Variants in AHI1 observed in about 807,000 individuals in gnomAD.
AHI1 encodes the protein jouberin.
Under a neutral mutation model 149.3 loss-of-function variants are expected in AHI1, and 123 were observed. The observed-to-expected ratio is 0.82, with a 90% CI of 0.71 to 0.96. The LOEUF (loss-of-function observed/expected upper bound fraction) is 0.96, where lower values mean the gene tolerates loss of function less well. Ranked by LOEUF, AHI1 falls within the 40% of genes least tolerant of loss-of-function variation. The pLI, the probability that AHI1 is intolerant of heterozygous loss-of-function variation, is 0.00. For missense variants in AHI1, 1,439 were observed against 1,422.7 expected (o/e 1.01, Z -0.18); for synonymous variants, 475 against 459.8 (o/e 1.03, Z -0.42).
Position 135,302,628 on chromosome 6 carries a change from C to A in AHI1, c.3427-2070G>T, listed in dbSNP as rs998421631. Reference sequence around the variant, plus strand: ...TATGAATCCTAAGTTAGAAGGGGGTCCACATTACAAAGTTTACCACTTACT... The same window carrying A: ...TATGAATCCTAAGTTAGAAGGGGGTACACATTACAAAGTTTACCACTTACT... On this transcript the variant is annotated intron_variant, in intron 26 of 28. Transcript: ENST00000265602. 15 of 1,144,242 alleles carry A rather than the reference C, an allele frequency of 1.3e-5. No homozygotes were observed. In the East Asian group the frequency reaches 5.4e-4, roughly 41 times the overall value. The allele number at this position is 1,144,242 out of a possible 1,614,324, so 70.9% of individuals were successfully genotyped here.
At chr6:135,459,907 C>T (rs1025365110) in intron 8 of AHI1, among the ~76,000 whole-genome samples, 3 of 152,044 alleles carry the variant, frequency 2.0e-5, no homozygotes, top group Admixed American at 1.3e-4. Context: ...TAAGAATAAA[C>T]TCTGTGGGCC....
chr6:135,329,876 T>G (rs77777890), intron 24 of AHI1, among the ~76,000 whole-genome samples: 2,503 of 152,294 alleles, frequency 0.016, 64 homozygotes, highest in African/African-American at 0.057. Flanking sequence ...CTGACCCTCA[T>G]GGATGACTCT....
At chr6:135,303,471 C>G (rs1784142476) in intron 26 of AHI1, among the ~76,000 whole-genome samples, 1 of 151,684 alleles carries the variant, frequency 6.6e-6, no homozygotes, top group Non-Finnish European at 1.5e-5. Flanking sequence ...GGAAAAACAA[C>G]TAAAGTTGGT....
At chr6:135,302,176 T>G (rs1465242485) in intron 26 of AHI1, 1 of 985,234 alleles carries the variant, frequency 1.0e-6, no homozygotes, top group Non-Finnish European at 1.2e-6. Flanking sequence ...AAGGTCTCAG[T>G]ATCATTTTTC....
intron 26 of AHI1, among the ~76,000 whole-genome samples, chr6:135,310,155 G>C (rs1784998317): frequency 6.6e-6 from 1 of 152,056 alleles, no homozygotes; most frequent in African/African-American, 2.4e-5. Context: ...TAAATTTGTT[G>C]TTGGACTTAA....
intron 22 of AHI1, among the ~76,000 whole-genome samples, chr6:135,395,670 CT>C (rs367987105): frequency 0.019 from 2,932 of 151,838 alleles, 89 homozygotes; most frequent in African/African-American, 0.066. Context: ...AAAAATCTAT[CT>C]TTTTTTCATT....
intron 26 of AHI1, chr6:135,302,477 C>T: frequency 9.9e-7 from 1 of 1,014,856 alleles, no homozygotes; most frequent in Non-Finnish European, 1.2e-6. Flanking sequence ...CTGTGATATC[C>T]TCAGAAAGTT....
intron 23 of AHI1, among the ~76,000 whole-genome samples, chr6:135,365,221 TAGTTTGA>T (rs1350509462): frequency 6.6e-6 from 1 of 152,238 alleles, no homozygotes; most frequent in Non-Finnish European, 1.5e-5. Flanking sequence ...CTTTATAATA[TAGTTTGA>T]AGTTGGGTAA....
chr6:135,435,362 A>C (rs1785245097), intron 15 of AHI1: 1 of 152,178 alleles, frequency 6.6e-6, no homozygotes, highest in African/African-American at 2.4e-5. Flanking sequence ...GAAATAATAG[A>C]ATTTGGGCTG....
chr6:135,336,213 C>T (rs1789363900), intron 24 of AHI1, among the ~76,000 whole-genome samples: 2 of 151,882 alleles, frequency 1.3e-5, no homozygotes, highest in African/African-American at 4.8e-5. Flanking sequence ...TGACAGTGGT[C>T]CCATATGATA....
rs575413123 is a variant in AHI1 at position 135,309,607 on chromosome 6, G to A, written c.3426+8912C>T. ...AAGCGATTCTCCTGCCTCAGCCTCC[G>A]AGTAGCTGGGATTACAGGCATGCGC... is the stretch of plus-strand genomic sequence containing the variant. On this transcript the variant is annotated intron_variant, in intron 26 of 28. Transcript: ENST00000265602. Among the ~76,000 whole-genome samples, 612 of 151,546 alleles carry A rather than the reference G, an allele frequency of 4.0e-3. 1 individual carries two copies. Among genetic ancestry groups the A allele is most frequent in the Non-Finnish European group, 6.6e-3 (449 of 67,928 alleles).
intron 26 of AHI1, among the ~76,000 whole-genome samples, chr6:135,309,998 T>TA (rs538791580): frequency 4.2e-4 from 64 of 152,050 alleles, no homozygotes; most frequent in Admixed American, 2.8e-3. Context: ...ATTACTAAAG[T>TA]AAAAAAATAC....
At chr6:135,425,021 T>C (rs1177717921) in intron 20 of AHI1, among the ~76,000 whole-genome samples, 1 of 151,974 alleles carries the variant, frequency 6.6e-6, no homozygotes, top group Non-Finnish European at 1.5e-5. Flanking sequence ...TATGGATCTA[T>C]ACCATTCACA....
chr6:135,413,720 A>G (rs1172423674), intron 20 of AHI1, among the ~76,000 whole-genome samples: 1 of 109,298 alleles, frequency 9.1e-6, no homozygotes, highest in Non-Finnish European at 2.1e-5. Context: ...CAAGCAATTA[A>G]GAACCAAAAA....
Position 135,328,223 on chromosome 6 carries a change from G to C in AHI1, c.3166-4899C>G, listed in dbSNP as rs62429856. On this transcript the variant is annotated intron_variant, in intron 24 of 28. Coordinates refer to ENST00000265602, the MANE Select transcript of AHI1 (RefSeq NM_001134831.2). ...AAGTCTTCTGTGTTAATTGTGGTGTGAGAACACAGTGAAAACATGGTTGGA... is the reference window on the plus strand; with the variant it reads ...AAGTCTTCTGTGTTAATTGTGGTGTCAGAACACAGTGAAAACATGGTTGGA... 8.5e-3 allele frequency among the ~76,000 whole-genome samples: 1,294 copies of C among 152,310 alleles called. 9 individuals are homozygous for C. Among genetic ancestry groups the C allele is most frequent in the Middle Eastern group, 0.034 (10 of 294 alleles).
chr6:135,455,442 T>C (rs548329783), intron 10 of AHI1, among the ~76,000 whole-genome samples: 1 of 152,338 alleles, frequency 6.6e-6, no homozygotes, highest in South Asian at 2.1e-4. Context: ...AATGCATTCA[T>C]ATCGAGTGGA....
At chr6:135,437,171 T>C (rs767673127) in intron 15 of AHI1, among the ~76,000 whole-genome samples, 3 of 152,202 alleles carry the variant, frequency 2.0e-5, no homozygotes, top group Non-Finnish European at 4.4e-5. Flanking sequence ...AGTCATCTAA[T>C]GAAGTGGGAA....
intron 23 of AHI1, among the ~76,000 whole-genome samples, chr6:135,369,424 C>T (rs545324772): frequency 6.6e-6 from 1 of 152,334 alleles, no homozygotes; most frequent in East Asian, 1.9e-4. Context: ...GTCCTGCCTC[C>T]TATCTGCCAT....
chr6:135,466,064 G>T lies in AHI1; in HGVS notation c.499C>A (p.His167Asn), dbSNP rs1790696533. The change falls in exon 7 of 29, where the codon CAT (histidine) becomes AAT (asparagine). Residue 167 changes from histidine to asparagine, a missense_variant. Physicochemically the swap from His to Asn is moderately conservative, Grantham distance 68. Transcript: ENST00000265602. Reference sequence around the variant, plus strand: ...TCATTTGCCTTCTCACTTTTCTGATGATCAACGCCTGGCTGTGGCTTTGTA... The same window carrying T: ...TCATTTGCCTTCTCACTTTTCTGATTATCAACGCCTGGCTGTGGCTTTGTA... ...THTKPQPGVD[H>N]QKSEKANEGR... 4.3e-6 allele frequency: 7 copies of T among 1,613,714 alleles called. No individual in the cohort carries two copies. Among genetic ancestry groups the T allele is most frequent in the Admixed American group, 3.3e-5 (2 of 59,988 alleles).
Sources: gnomAD v4.1 joint callset for allele counts (sites outside exome capture counted in the v4.1 genomes callset) on GRCh38, gnomAD v4.1.1 for gene constraint, MANE v1.5 for transcripts, NCBI Gene and HGNC (gene_info 2026-07-23, HGNC 2026-07-21) for gene names.